Variants in FN1 observed in about 807,000 individuals in gnomAD.
The protein encoded by FN1 is fibronectin 1.
In FN1, 106 loss-of-function variants were observed where a neutral mutation model predicts 297.3. That is an observed-to-expected ratio of 0.36 (90% confidence interval 0.30 to 0.42). The LOEUF (loss-of-function observed/expected upper bound fraction) is 0.42. Among genes scored for constraint, FN1 ranks in the 10% least tolerant of loss-of-function variants. FN1 has a pLI of 1.00. For missense variants in FN1, 2,690 were observed against 3,124.9 expected (o/e 0.86, Z 3.32); for synonymous variants, 1,149 against 1,152.6 (o/e 1.00, Z 0.06).
intron 19 of FN1, among the ~76,000 whole-genome samples, chr2:215,405,423 T>A (rs62202764): frequency 0.051 from 7,758 of 152,278 alleles, 256 homozygotes; most frequent in Middle Eastern, 0.16. Context: ...AAGCCTCAGT[T>A]TCTTTAAGTA....
intron 11 of FN1, among the ~76,000 whole-genome samples, chr2:215,419,587 G>C (rs555832625): frequency 6.6e-6 from 1 of 151,718 alleles, no homozygotes; most frequent in Admixed American, 6.6e-5. Context: ...GTACCTATTA[G>C]GAGGAATATT....
intron 39 of FN1, among the ~76,000 whole-genome samples, chr2:215,372,869 C>G (rs907668024): frequency 2.0e-5 from 3 of 152,036 alleles, no homozygotes; most frequent in African/African-American, 7.2e-5. Flanking sequence ...TTTCCTATAT[C>G]AGGAATACAC....
At chr2:215,406,651 A>G (rs2061813989) in intron 18 of FN1, 141 bp from the exon 19 acceptor site, 2 of 840,824 alleles carry the variant, frequency 2.4e-6, no homozygotes, top group Non-Finnish European at 3.9e-6. Context: ...ATCAGATCAC[A>G]TTTTCATGGT....
rs769644869 is a variant in FN1, at chr2:215,384,097, G to T, written c.4817C>A (p.Thr1606Asn). ...ISGLKPGVDY[T>N]ITVYAVTGRG... Reference sequence around the variant, plus strand: ...GCCAGTGACAGCATACACAGTGATGGTATAATCAACTCCAGGTTTAAGGCC... The same window carrying T: ...GCCAGTGACAGCATACACAGTGATGTTATAATCAACTCCAGGTTTAAGGCC... The change falls in exon 30 of 46, where the codon ACC becomes AAC. Residue 1606 changes from threonine (T) to asparagine (N), a missense_variant. Transcript: ENST00000354785. 6.2e-6 allele frequency: 10 copies of T among 1,614,000 alleles called. No individual in the cohort carries two copies. The highest frequency in any genetic ancestry group is 7.6e-6 in the Non-Finnish European group (9 of 1,180,014).
intron 1 of FN1, among the ~76,000 whole-genome samples, chr2:215,435,391 A>G (rs1233044852): frequency 6.6e-6 from 1 of 151,748 alleles, no homozygotes; most frequent in Non-Finnish European, 1.5e-5. Flanking sequence ...GTTAATTCCT[A>G]GAAGGACAAT....
intron 31 of FN1, 109 bp from the exon 32 acceptor site, chr2:215,382,434 T>A (rs769371021): frequency 1.4e-5 from 10 of 718,012 alleles, no homozygotes; most frequent in Non-Finnish European, 2.3e-5. Flanking sequence ...AATTTTTATT[T>A]GCAGAATTGT....
intron 32 of FN1, 57 bp downstream of exon 32, chr2:215,382,155 A>T: frequency 9.1e-7 from 1 of 1,096,362 alleles, no homozygotes; most frequent in Non-Finnish European, 1.4e-6. Context: ...GTGGGCATTC[A>T]GACACCCAAG....
At chr2:215,431,799 TC>T in intron 4 of FN1, 33 bp downstream of exon 4, 5 of 1,612,830 alleles carry the variant, frequency 3.1e-6, no homozygotes, top group Non-Finnish European at 4.2e-6. Context: ...GAACTAAGCA[TC>T]CCAGCTCTTG....
At position 215,388,289 on chromosome 2, in the gene FN1, C is replaced by T. The variant is rs1205335918; in HGVS notation, c.4265G>A (p.Gly1422Asp). 1.9e-6 allele frequency: 3 copies of T among 1,613,302 alleles called. No individual in the cohort carries two copies. The highest frequency in any genetic ancestry group is 1.1e-5 in the South Asian group (1 of 91,074). Residue 1422 changes from glycine to aspartate, a missense_variant, in exon 27 of 46, where the codon GGT becomes GAT. Coordinates refer to ENST00000354785, the MANE Select transcript of FN1 (RefSeq NM_212482.4). The part of the protein sequence containing the change: ...NAVVLTNLLP[G>D]TEYVVSVSSV... ...GGAGACACTCACTACATATTCTGTA[C>T]CAGGCAGGAGATCTGTAGGGGCAAA...
intron 44 of FN1, among the ~76,000 whole-genome samples, chr2:215,364,170 T>A (rs1173096185): frequency 6.6e-6 from 1 of 152,218 alleles, no homozygotes; most frequent in East Asian, 1.9e-4. Context: ...TTCAACTATA[T>A]CATTAAGAGC....
At chr2:215,414,307 T>A (rs2063113349) in intron 13 of FN1, among the ~76,000 whole-genome samples, 1 of 152,198 alleles carries the variant, frequency 6.6e-6, no homozygotes, top group Non-Finnish European at 1.5e-5. Flanking sequence ...CCAACTTCCA[T>A]CCTTTATCTA....
chr2:215,387,037 G>C (rs748903112), intron 27 of FN1, 79 bp from the exon 28 acceptor site: 107 of 1,288,294 alleles, frequency 8.3e-5, no homozygotes, highest in Non-Finnish European at 1.1e-4. Context: ...AAGGTGTAGG[G>C]GAAATTAACG....
intron 13 of FN1, among the ~76,000 whole-genome samples, chr2:215,410,789 G>C (rs1212620528): frequency 6.6e-6 from 1 of 152,134 alleles, no homozygotes; most frequent in Admixed American, 6.6e-5. Flanking sequence ...TTACAAGCGT[G>C]AGCCACCACG....
rs1267075989 is a variant in FN1, at chr2:215,373,663, A to C, written c.6158-252T>G. Among the ~76,000 whole-genome samples, 3 of 146,194 alleles carry C rather than the reference A, an allele frequency of 2.1e-5. No individual in the cohort carries two copies. The Admixed American group carries it at 2.1e-4, about 10-fold the overall frequency. The stretch of plus-strand genomic sequence containing the variant: ...TAGACATTTTTTGGCTAACTTTTCC[A>C]GGGTATTCTTTTTTTTTTTTTTTTT... On this transcript the variant is annotated intron_variant, in intron 38 of 45. Transcript: ENST00000354785.
chr2:215,434,803 T>C lies in FN1; in HGVS notation c.170A>G (p.Lys57Arg), dbSNP rs1025748370. Residue 57 changes from lysine to arginine, a missense_variant, in exon 2 of 46, where the codon AAA becomes AGA. Physicochemically the swap from Lys to Arg is conservative, Grantham distance 26. Coordinates refer to ENST00000354785, the MANE Select transcript of FN1 (RefSeq NM_212482.4). ...QSKPGCYDNG[K>R]HYQINQQWER... ...CCACTGTTGATTTATCTGATAGTGT[T>C]TTCCATTGTCATAACAACCGGCTGC... 6.2e-7 allele frequency: 1 copy of C among 1,613,436 alleles called. No homozygotes were observed. Among genetic ancestry groups the C allele is most frequent in the Non-Finnish European group, 8.5e-7 (1 of 1,179,748 alleles).
Position 215,376,525 on chromosome 2 carries a change from G to C in FN1, c.5860C>G (p.Pro1954Ala), listed in dbSNP as rs759637959. 3 of 1,613,956 alleles carry C rather than the reference G, an allele frequency of 1.9e-6. No homozygotes were observed. Among genetic ancestry groups the C allele is most frequent in the Non-Finnish European group, 2.5e-6 (3 of 1,180,006 alleles). ...GQTPIQRTIKPDVRSYTITGL... is the reference protein window; with the variant it reads ...GQTPIQRTIKADVRSYTITGL... Reference sequence around the variant, plus strand: ...GTGATGGTGTAGCTTCTGACATCTGGCTTGATGGTTCTCTGGATTGGAGTC... The same window carrying C: ...GTGATGGTGTAGCTTCTGACATCTGCCTTGATGGTTCTCTGGATTGGAGTC... Residue 1954 changes from proline (P) to alanine (A), a missense_variant, in exon 36 of 46, where the codon CCA becomes GCA. By Grantham distance (27) the Pro-to-Ala change is conservative (BLOSUM62 -1). Coordinates refer to ENST00000354785, the MANE Select transcript of FN1 (RefSeq NM_212482.4).
Position 215,435,913 on chromosome 2 carries a change from G to A in FN1, c.-111C>T, listed in dbSNP as rs2067403456. ...CTTCTAATGCCTCCCGGGGGTTGTCGCCTCCAAGAAGGTGGGGGCCAGAGG... is the reference window on the plus strand; with the variant it reads ...CTTCTAATGCCTCCCGGGGGTTGTCACCTCCAAGAAGGTGGGGGCCAGAGG... On this transcript the variant is annotated 5_prime_UTR_variant, in exon 1 of 46. Transcript: ENST00000354785. 9.6e-6 allele frequency: 14 copies of A among 1,456,448 alleles called. No homozygotes were observed. Among genetic ancestry groups the A allele is most frequent in the African/African-American group, 1.4e-5 (1 of 70,824 alleles). The allele number at this position is 1,456,448 out of a possible 1,614,324, so 90.2% of individuals were successfully genotyped here. A position where few individuals can be genotyped will look rare whatever the true frequency, so the allele number is the denominator to read the frequency against.
In FN1 at chr2:215,386,944, T is replaced by C. The variant is rs144145666; in HGVS notation, c.4357A>G (p.Thr1453Ala). The C allele has an allele frequency of 2.1e-4, 332 of 1,611,716 alleles. No individual in the cohort carries two copies. Among genetic ancestry groups the C allele is most frequent in the South Asian group, 8.2e-4 (74 of 90,652 alleles). The change falls in exon 28 of 46, where the codon ACT (threonine) becomes GCT (alanine). Residue 1453 changes from threonine (T) to alanine (A), a missense_variant. Around this residue, in one of 3 missense-constraint regions of FN1, gnomAD observed 1,743 missense variants for 1,945.2 expected, o/e 0.90. Transcript: ENST00000354785. ...GRQKTGLDSP[T>A]GIDFSDITAN... ...GTAATATCAGAAAAGTCAATGCCAG[T>C]TGGGGAATCAAGACCTGTTTTTCCC... is the stretch of plus-strand genomic sequence containing the variant.
chr2:215,377,937 A>C (rs548683985), intron 35 of FN1, among the ~76,000 whole-genome samples: 153 of 152,282 alleles, frequency 1.0e-3, no homozygotes, highest in Non-Finnish European at 1.8e-3. Flanking sequence ...GACTCATTCC[A>C]CTGTTAACAT....
Sources: allele counts gnomAD v4.1 joint callset (sites outside exome capture counted in the v4.1 genomes callset), GRCh38; gene constraint gnomAD v4.1.1; regional missense constraint gnomAD v4.1.1; transcripts MANE v1.5; gene names NCBI Gene and HGNC (gene_info 2026-07-23, HGNC 2026-07-21).